OR51B5: variants seen among roughly 807,000 people sequenced by gnomAD.
OR51B5 encodes olfactory receptor 51B5.
For missense variants in OR51B5, 456 were observed against 374.6 expected, an observed-to-expected ratio of 1.22 and a Z score of -1.79; for synonymous variants, 186 against 144.8, an observed-to-expected ratio of 1.28 and a Z score of -2.04.
intron 1 of OR51B5, among the ~76,000 whole-genome samples, chr11:5,476,943 A>C (rs1177716534): frequency 6.6e-6 from 1 of 152,238 alleles, no homozygotes; most frequent in African/African-American, 2.4e-5. Context: ...CAAAAGGTAC[A>C]AAGTTTCCGT....
At chr11:5,413,126 A>G (rs1231788386) in intron 1 of OR51B5, among the ~76,000 whole-genome samples, 1 of 152,228 alleles carries the variant, frequency 6.6e-6, no homozygotes, top group Non-Finnish European at 1.5e-5. Context: ...TTCGCGGTTC[A>G]CGAAAAACCA....
At chr11:5,430,510 C>T (rs1157519254) in intron 1 of OR51B5, 2 of 359,008 alleles carry the variant, frequency 5.6e-6, no homozygotes, top group African/African-American at 4.3e-5. Context: ...ATAACTCTTG[C>T]ATTTCAGATT....
intron 1 of OR51B5, among the ~76,000 whole-genome samples, chr11:5,375,740 C>G (rs1211537968): frequency 6.6e-6 from 1 of 152,094 alleles, no homozygotes; most frequent in Non-Finnish European, 1.5e-5. Flanking sequence ...GTAAAGGGAT[C>G]AATTCAACAA....
chr11:5,386,722 A>G (rs1211620305), intron 1 of OR51B5, among the ~76,000 whole-genome samples: 2 of 152,258 alleles, frequency 1.3e-5, no homozygotes, highest in East Asian at 1.9e-4. Flanking sequence ...GCAGGTGTGG[A>G]AAAGCTAAGA....
At position 5,505,339 on chromosome 11, in the gene OR51B5, C is replaced by T. The variant is rs555504542; in HGVS notation, n.84+230G>A. 8 of 1,303,928 alleles carry T rather than the reference C, an allele frequency of 6.1e-6. No homozygotes were observed. In the African/African-American group the frequency reaches 1.1e-4, roughly 17 times the overall value. The allele number at this position is 1,303,928 out of a possible 1,614,324, so 80.8% of individuals were successfully genotyped here. On this transcript the variant is annotated intron_variant and non_coding_transcript_variant, in intron 1 of 4. Transcript: ENST00000415970. ...TATCTTCCCCAGTCAGAGGCAGACC[C>T]AGAGAACTCACCTCATGAACGGAAG...
upstream of OR51B5, among the ~76,000 whole-genome samples, chr11:5,345,401 C>T (rs1564913222): frequency 2.0e-5 from 3 of 152,020 alleles, no homozygotes; most frequent in African/African-American, 4.8e-5. Flanking sequence ...TAAACAGAGA[C>T]AGATGCATTT....
intron 1 of OR51B5, among the ~76,000 whole-genome samples, chr11:5,476,459 C>T (rs1487016360): frequency 6.6e-6 from 1 of 152,126 alleles, no homozygotes; most frequent in Admixed American, 6.5e-5. Context: ...CCAAGGATTC[C>T]CTTCCATGCT....
intron 1 of OR51B5, chr11:5,362,657 C>A: frequency 5.0e-6 from 1 of 198,112 alleles, no homozygotes; most frequent in Non-Finnish European, 1.1e-5. Context: ...CCCGGTCAAC[C>A]CAGCTGTCTT....
chr11:5,479,990 C>T (rs1851389807), intron 1 of OR51B5, among the ~76,000 whole-genome samples: 3 of 148,606 alleles, frequency 2.0e-5, no homozygotes, highest in Non-Finnish European at 4.5e-5. Flanking sequence ...AGGAATTGAA[C>T]TCAGCTCTGC....
intron 1 of OR51B5, among the ~76,000 whole-genome samples, chr11:5,467,048 G>A (rs1851148151): frequency 6.6e-6 from 1 of 152,134 alleles, no homozygotes; most frequent in Non-Finnish European, 1.5e-5. Context: ...CTCATTTGCT[G>A]GACATTTTTG....
chr11:5,470,450 G>T (rs1370958527), intron 1 of OR51B5, among the ~76,000 whole-genome samples: 1 of 152,054 alleles, frequency 6.6e-6, no homozygotes, highest in Non-Finnish European at 1.5e-5. Context: ...GGAAATTATT[G>T]TCTACCCATA....
chr11:5,471,178 T>C (rs1590016355), intron 1 of OR51B5, among the ~76,000 whole-genome samples: 1 of 152,226 alleles, frequency 6.6e-6, no homozygotes, highest in Non-Finnish European at 1.5e-5. Context: ...ATTATGTACT[T>C]GTTTAGTTAT....
intron 1 of OR51B5, among the ~76,000 whole-genome samples, chr11:5,363,125 G>C (rs1319171100): frequency 6.6e-6 from 1 of 151,988 alleles, no homozygotes; most frequent in Non-Finnish European, 1.5e-5. Context: ...GGAAGAAAGA[G>C]ACCCTGAGTG....
At chr11:5,430,221 A>AT (rs5789400) in intron 1 of OR51B5, among the ~76,000 whole-genome samples, 9,713 of 152,154 alleles carry the variant, frequency 0.064, 359 homozygotes, top group South Asian at 0.095. Flanking sequence ...CTAGGATAAT[A>AT]TTTTTTTAAT....
chr11:5,471,209 C>G (rs1851223068), intron 1 of OR51B5, among the ~76,000 whole-genome samples: 1 of 151,902 alleles, frequency 6.6e-6, no homozygotes, highest in South Asian at 2.1e-4. Flanking sequence ...TCTTTGTTTC[C>G]CCAAAAATTT....
chr11:5,440,570 T>C, intron 1 of OR51B5: 1 of 1,610,252 alleles, frequency 6.2e-7, no homozygotes, highest in Non-Finnish European at 8.5e-7. Context: ...TCAGCCTTCC[T>C]CAGGCCTGGG....
upstream of OR51B5, among the ~76,000 whole-genome samples, chr11:5,343,852 T>A (rs1450872660): frequency 6.6e-6 from 1 of 152,228 alleles, no homozygotes; most frequent in African/African-American, 2.4e-5. Flanking sequence ...CTATGCAGAT[T>A]TTAAAGAATT....
chr11:5,346,625 G>C (rs1248894872), upstream of OR51B5, among the ~76,000 whole-genome samples: 2 of 121,576 alleles, frequency 1.6e-5, no homozygotes, highest in Non-Finnish European at 3.3e-5. Context: ...ACTGAGTACA[G>C]AAGGTCTTAG....
chr11:5,477,065 C>T (rs1851319169), intron 1 of OR51B5, among the ~76,000 whole-genome samples: 1 of 152,110 alleles, frequency 6.6e-6, no homozygotes, highest in Admixed American at 6.5e-5. Flanking sequence ...TAAGTGTTTT[C>T]ATCATCATAA....
Sources: allele counts gnomAD v4.1 joint callset (sites outside exome capture counted in the v4.1 genomes callset), GRCh38; gene constraint gnomAD v4.1.1; transcripts MANE v1.5; gene names NCBI Gene and HGNC (gene_info 2026-07-23, HGNC 2026-07-21).